The following JAK2 variants were observed in gnomAD, a reference collection of about 807,000 sequenced individuals.
JAK2 encodes tyrosine-protein kinase JAK2.
Under a neutral mutation model 139.3 loss-of-function variants are expected in JAK2, and 86 were observed. That is an observed-to-expected ratio of 0.62 (90% CI 0.52 to 0.74). The LOEUF (loss-of-function observed/expected upper bound fraction) is 0.74. Ranked by LOEUF, JAK2 falls within the 30% of genes least tolerant of loss-of-function variation. The pLI, the probability that JAK2 is intolerant of heterozygous loss-of-function variation, is 0.00. For missense variants in JAK2, 1,421 were observed against 1,360.3 expected, an observed-to-expected ratio of 1.04 and a Z score of -0.70; for synonymous variants, 490 against 437.7, an observed-to-expected ratio of 1.12 and a Z score of -1.49.
intron 8 of JAK2, among the ~76,000 whole-genome samples, chr9:5,062,322 T>G (rs1818237530): frequency 6.6e-6 from 1 of 151,818 alleles, no homozygotes; most frequent in Non-Finnish European, 1.5e-5. Context: ...AACTGTACAA[T>G]AGTTACATCA....
rs1215524922 is a variant in JAK2, at chr9:5,066,670, A to G, written c.1215-8A>G. 1 of 1,494,592 alleles carries G rather than the reference A, an allele frequency of 6.7e-7. No individual in the cohort carries two copies. The highest frequency in any genetic ancestry group is 9.3e-7 in the Non-Finnish European group (1 of 1,072,050). 92.6% of individuals were successfully genotyped at this position (1,494,592 alleles called of 1,614,324 possible). A position where few individuals can be genotyped will look rare whatever the true frequency, so the allele number is the denominator to read the frequency against. ...ATATTATTCAAATTGCTTCTTCTTTACCTTTAGGATGGATTTTGCCATTAG... is the reference window on the plus strand; with the variant it reads ...ATATTATTCAAATTGCTTCTTCTTTGCCTTTAGGATGGATTTTGCCATTAG... On this transcript the variant is annotated splice_polypyrimidine_tract_variant and splice_region_variant and intron_variant, in intron 9 of 24. Transcript: ENST00000381652.
intron 2 of JAK2, among the ~76,000 whole-genome samples, chr9:5,005,550 G>C (rs1257648332): frequency 1.3e-5 from 2 of 151,984 alleles, no homozygotes; most frequent in African/African-American, 4.8e-5. Flanking sequence ...AGTGTTATTG[G>C]ATTTAATTTG....
intron 22 of JAK2, among the ~76,000 whole-genome samples, chr9:5,102,942 A>G (rs182744535): frequency 5.3e-5 from 8 of 152,252 alleles, no homozygotes; most frequent in Admixed American, 1.3e-4. Context: ...GCAAAAACAT[A>G]CCAAATTGTA....
At chr9:5,002,197 C>G (rs1200723234) in intron 2 of JAK2, among the ~76,000 whole-genome samples, 1 of 151,430 alleles carries the variant, frequency 6.6e-6, no homozygotes, top group African/African-American at 2.4e-5. Flanking sequence ...TCTTTCTTCA[C>G]TCTCTGGTTT....
At chr9:5,041,479 C>T (rs1286244098) in intron 4 of JAK2, 1 of 600,170 alleles carries the variant, frequency 1.7e-6, no homozygotes, top group East Asian at 3.8e-5. Flanking sequence ...CTGACACGAT[C>T]ATGAGCGGTA....
chr9:5,000,046 C>A (rs1820838995), intron 2 of JAK2, among the ~76,000 whole-genome samples: 1 of 151,978 alleles, frequency 6.6e-6, no homozygotes. Flanking sequence ...ATTATGTTGA[C>A]CATGTTTTCA....
Position 5,054,813 on chromosome 9 carries a change from A to G in JAK2, c.865A>G (p.Ile289Val). The change falls in exon 7 of 25, where the codon ATA (isoleucine) becomes GTA (valine). Residue 289 changes from isoleucine to valine, a missense_variant. By Grantham distance (29) the Ile-to-Val change is conservative (BLOSUM62 3). Transcript: ENST00000381652. This position sits in a 1 kb window ranked among gnomAD's most constrained non-coding sequence, Gnocchi z 4.9. ...AGGTGAGGAGATTTTTGCAACCATT[A>G]TAATAACTGGAAACGGTGGAATTCA... The part of the protein sequence containing the change: ...PSGEEIFATI[I>V]ITGNGGIQWS... 1.2e-6 allele frequency: 2 copies of G among 1,612,798 alleles called. No homozygotes were observed. The highest frequency in any genetic ancestry group is 1.7e-6 in the Non-Finnish European group (2 of 1,179,286).
chr9:5,020,294 C>T (rs567599959), intron 2 of JAK2, among the ~76,000 whole-genome samples: 1 of 152,172 alleles, frequency 6.6e-6, no homozygotes, highest in Admixed American at 6.5e-5. Flanking sequence ...GTGGAATGCT[C>T]AGTTGACACT....
intron 2 of JAK2, among the ~76,000 whole-genome samples, chr9:4,991,205 G>A (rs934347621): frequency 1.3e-5 from 2 of 152,174 alleles, no homozygotes; most frequent in East Asian, 1.9e-4. Context: ...ACAAAGAGAA[G>A]CATTATTTAT....
intron 2 of JAK2, among the ~76,000 whole-genome samples, chr9:5,004,464 TTTTC>T (rs1470220605): frequency 1.3e-5 from 2 of 152,188 alleles, no homozygotes; most frequent in Non-Finnish European, 2.9e-5. Context: ...AATGACAAGA[TTTTC>T]TTCTTTTTTT....
chr9:5,030,464 A>AT (rs1040105846), intron 4 of JAK2, among the ~76,000 whole-genome samples: 1 of 152,082 alleles, frequency 6.6e-6, no homozygotes, highest in African/African-American at 2.4e-5. Context: ...AATACCTGTG[A>AT]TTTTTCTAAG....
At chr9:5,086,907 C>T (rs184099302) in intron 19 of JAK2, among the ~76,000 whole-genome samples, 1 of 152,160 alleles carries the variant, frequency 6.6e-6, no homozygotes, top group Admixed American at 6.5e-5. Context: ...ACTACTTTCG[C>T]TGGTATCCAC....
At chr9:5,113,185 C>G in intron 22 of JAK2, among the ~76,000 whole-genome samples, 1 of 126,618 alleles carries the variant, frequency 7.9e-6, no homozygotes, top group Admixed American at 8.6e-5. Flanking sequence ...TCTGGGCTGG[C>G]AGGAGCTTTT....
intron 19 of JAK2, chr9:5,086,151 C>T (rs547038301): frequency 5.5e-6 from 2 of 363,420 alleles, no homozygotes; most frequent in Admixed American, 5.5e-5. Flanking sequence ...CCGCAAGGCT[C>T]GGGGAGCGGT....
chr9:5,000,028 G>C (rs1415501593), intron 2 of JAK2, among the ~76,000 whole-genome samples: 1 of 152,026 alleles, frequency 6.6e-6, no homozygotes, highest in African/African-American at 2.4e-5. Context: ...ACTTTTCTCT[G>C]ATTCTTAATT....
intron 4 of JAK2, among the ~76,000 whole-genome samples, chr9:5,038,915 A>G (rs952820601): frequency 6.6e-6 from 1 of 152,166 alleles, no homozygotes; most frequent in African/African-American, 2.4e-5. Flanking sequence ...CCACATGATC[A>G]TCCCAAGAGA....
chr9:5,042,329 G>A (rs939021942), intron 4 of JAK2, among the ~76,000 whole-genome samples: 10 of 150,840 alleles, frequency 6.6e-5, no homozygotes, highest in Non-Finnish European at 1.2e-4. Flanking sequence ...AGTAGAGACG[G>A]GGTTTCACCT....
intron 22 of JAK2, chr9:5,098,654 G>T (rs1342105422): frequency 6.6e-6 from 1 of 151,734 alleles, no homozygotes; most frequent in Non-Finnish European, 1.5e-5. Context: ...CAATGATATT[G>T]AAGCTATGAA....
intron 22 of JAK2, among the ~76,000 whole-genome samples, chr9:5,106,841 T>A (rs999966629): frequency 6.6e-6 from 1 of 151,580 alleles, no homozygotes; most frequent in African/African-American, 2.4e-5. Flanking sequence ...TAGGTGGGAG[T>A]TGAACAATGA....
Sources: allele counts gnomAD v4.1 joint callset (sites outside exome capture counted in the v4.1 genomes callset), GRCh38; gene constraint gnomAD v4.1.1; non-coding constraint Gnocchi (gnomAD v3.1); transcripts MANE v1.5; gene names NCBI Gene and HGNC (gene_info 2026-07-23, HGNC 2026-07-21).